The following INPP4B variants were observed in gnomAD, a reference collection of about 807,000 sequenced individuals.
INPP4B encodes the protein inositol polyphosphate 4-phosphatase type II.
In INPP4B, 55 loss-of-function variants were observed where a neutral mutation model predicts 122.5. The ratio of observed to expected loss-of-function variants is 0.45; its 90% CI spans 0.36 to 0.56. The LOEUF (loss-of-function observed/expected upper bound fraction) is 0.56, where lower values mean the gene tolerates loss of function less well. Among genes scored for constraint, INPP4B ranks in the 20% least tolerant of loss-of-function variants. The probability of loss-of-function intolerance (pLI) is 0.00; values close to 1 mark genes in which losing one functional copy is unlikely to be tolerated. For synonymous variants in INPP4B, 403 were observed against 388.7 expected, an observed-to-expected ratio of 1.04 and a Z score of -0.43; for missense variants, 1,000 against 1,097.7, an observed-to-expected ratio of 0.91 and a Z score of 1.26.
At chr4:142,048,305 C>T (rs886935095) in intron 25 of INPP4B, among the ~76,000 whole-genome samples, 3 of 152,074 alleles carry the variant, frequency 2.0e-5, no homozygotes, top group African/African-American at 7.2e-5. Flanking sequence ...CATGGCCTTA[C>T]AGAATATGTA....
At chr4:142,040,295 TAGTC>T in intron 25 of INPP4B, among the ~76,000 whole-genome samples, 1 of 152,282 alleles carries the variant, frequency 6.6e-6, no homozygotes, top group Admixed American at 6.5e-5. Flanking sequence ...CCTTGGTCGT[TAGTC>T]AGCTTCCCCA....
intron 22 of INPP4B, among the ~76,000 whole-genome samples, chr4:142,109,111 C>T (rs1004538424): frequency 1.3e-5 from 2 of 150,626 alleles, no homozygotes; most frequent in Non-Finnish European, 3.0e-5. Flanking sequence ...CACTATTCCT[C>T]AGTCTTTTCC....
intron 23 of INPP4B, among the ~76,000 whole-genome samples, chr4:142,100,551 G>A (rs1365099727): frequency 2.0e-5 from 3 of 152,112 alleles, no homozygotes; most frequent in African/African-American, 4.8e-5. Flanking sequence ...TTGATTTCCT[G>A]TCTGGGGCCA....
chr4:142,349,373 TA>T (rs1336297105), intron 7 of INPP4B, among the ~76,000 whole-genome samples: 1 of 152,066 alleles, frequency 6.6e-6, no homozygotes, highest in African/African-American at 2.4e-5. Flanking sequence ...TTGCATGTAG[TA>T]CTCTCTCTTT....
intron 1 of INPP4B, among the ~76,000 whole-genome samples, chr4:142,831,998 T>G (rs555146112): frequency 1.3e-5 from 2 of 152,284 alleles, no homozygotes; most frequent in South Asian, 4.1e-4. Flanking sequence ...AAAAATAAAA[T>G]ATATTTTGTG....
intron 1 of INPP4B, among the ~76,000 whole-genome samples, chr4:142,841,851 C>T (rs1216625005): frequency 2.0e-5 from 3 of 151,802 alleles, no homozygotes; most frequent in African/African-American, 4.8e-5. Flanking sequence ...CTGTGTATCT[C>T]GCAAACTTTT....
intron 2 of INPP4B, among the ~76,000 whole-genome samples, chr4:142,720,707 C>T (rs1458570143): frequency 7.6e-5 from 5 of 66,072 alleles, no homozygotes; most frequent in African/African-American, 2.6e-4. Context: ...TATGAACAGC[C>T]AACTGTATAT....
At chr4:142,107,683 T>G (rs1048297733) in intron 23 of INPP4B, among the ~76,000 whole-genome samples, 8 of 152,210 alleles carry the variant, frequency 5.3e-5, no homozygotes, top group African/African-American at 1.9e-4. Flanking sequence ...ACTGGTATTA[T>G]ATCTGATGTT....
At chr4:142,572,467 C>A (rs1252905287) in intron 2 of INPP4B, among the ~76,000 whole-genome samples, 1 of 152,100 alleles carries the variant, frequency 6.6e-6, no homozygotes, top group East Asian at 1.9e-4. Flanking sequence ...ACAACCACAA[C>A]ATTGCTTCTA....
intron 25 of INPP4B, among the ~76,000 whole-genome samples, chr4:142,055,060 T>A (rs2152412228): frequency 6.6e-6 from 1 of 152,190 alleles, no homozygotes; most frequent in African/African-American, 2.4e-5. Context: ...TACTTACTAG[T>A]TTGAAACTTC....
At chr4:142,550,597 C>CACAA (rs147002739) in intron 2 of INPP4B, among the ~76,000 whole-genome samples, 2 of 13,648 alleles carry the variant, frequency 1.5e-4, no homozygotes, top group Non-Finnish European at 8.6e-4. Flanking sequence ...TATACACACA[C>CACAA]ACACACACAT....
At chr4:142,181,674 T>C (rs1256549826) in intron 15 of INPP4B, among the ~76,000 whole-genome samples, 3 of 152,268 alleles carry the variant, frequency 2.0e-5, no homozygotes. Context: ...AATATTTTAC[T>C]ATTATGAATG....
chr4:142,066,027 G>A (rs6847756), intron 25 of INPP4B, among the ~76,000 whole-genome samples: 3,783 of 152,066 alleles, frequency 0.025, 173 homozygotes, highest in African/African-American at 0.087. Flanking sequence ...TCCCCCAAGA[G>A]TGTAGAGCAC....
chr4:142,478,967 T>C (rs185810815), intron 2 of INPP4B, among the ~76,000 whole-genome samples: 111 of 152,058 alleles, frequency 7.3e-4, no homozygotes, highest in African/African-American at 2.6e-3. Flanking sequence ...AATTGACAAA[T>C]GAGACCTAAT....
Position 142,260,526 on chromosome 4 carries a change from C to T in INPP4B, c.654G>A (p.Val218=), listed in dbSNP as rs762323809. 4 of 1,608,938 alleles carry T rather than the reference C, an allele frequency of 2.5e-6. No individual in the cohort carries two copies. The highest frequency in any genetic ancestry group is 2.2e-5 in the East Asian group (1 of 44,736). The change falls in exon 11 of 26, where the codon GTG becomes GTA. Residue 218 remains valine, a synonymous_variant. Transcript: ENST00000262992. ...LVCECTAPES[V]SGKDNLPFLN... is the part of the protein sequence containing the mutation. ...AAAAAGGTAAGTTATCTTTTCCGCTCACACTTTCCGGGGCTGTACATTCAC... is the reference window on the plus strand; with the variant it reads ...AAAAAGGTAAGTTATCTTTTCCGCTTACACTTTCCGGGGCTGTACATTCAC...
rs983671842 is a variant in INPP4B at position 142,023,306 on chromosome 4, A to G, written c.*5476T>C. ...ATGCCTAGAAAAAATTTCTAGGAAT[A>G]CACATTATTGATTCATCTAAAATAC... On this transcript the variant is annotated 3_prime_UTR_variant, in exon 26 of 26. Coordinates refer to ENST00000262992, the MANE Select transcript of INPP4B (RefSeq NM_001101669.3). 2 of 152,222 alleles carry G rather than the reference A, an allele frequency of 1.3e-5. No homozygotes were observed. The highest frequency in any genetic ancestry group is 6.5e-5 in the Admixed American group (1 of 15,270). 9.4% of individuals were successfully genotyped at this position (152,222 alleles called of 1,614,324 possible).
intron 14 of INPP4B, among the ~76,000 whole-genome samples, chr4:142,207,326 A>G (rs1842971828): frequency 6.6e-6 from 1 of 152,134 alleles, no homozygotes; most frequent in African/African-American, 2.4e-5. Flanking sequence ...GTTGGACCCT[A>G]TCGTAGCTTT....
chr4:142,284,942 A>G (rs558967002), intron 9 of INPP4B, among the ~76,000 whole-genome samples: 1 of 152,234 alleles, frequency 6.6e-6, no homozygotes, highest in East Asian at 1.9e-4. Flanking sequence ...ATATAGCAAC[A>G]GGATAGCGGG....
At chr4:142,055,362 AGATG>A (rs1304073277) in intron 25 of INPP4B, among the ~76,000 whole-genome samples, 5 of 152,152 alleles carry the variant, frequency 3.3e-5, no homozygotes, top group African/African-American at 9.7e-5. Flanking sequence ...TCTGAGGTAC[AGATG>A]GACTTCAAAC....
Sources: allele counts gnomAD v4.1 joint callset (sites outside exome capture counted in the v4.1 genomes callset), GRCh38; gene constraint gnomAD v4.1.1; transcripts MANE v1.5; gene names NCBI Gene and HGNC (gene_info 2026-07-23, HGNC 2026-07-21).